The following CTNNA3 variants were observed in gnomAD, a reference collection of about 807,000 sequenced individuals.
The protein encoded by CTNNA3 is catenin alpha-3.
CTNNA3 carries 76 observed loss-of-function variants against 95.7 expected under a neutral mutation model. The observed-to-expected ratio is 0.79, with a 90% CI of 0.66 to 0.96. The LOEUF is 0.96. CTNNA3 is among the 40% of genes least tolerant of loss of function. The pLI is 0.00. For synonymous variants in CTNNA3, 431 were observed against 374.4 expected, an observed-to-expected ratio of 1.15 and a Z score of -1.74; for missense variants, 1,191 against 1,089.8, an observed-to-expected ratio of 1.09 and a Z score of -1.31.
intron 11 of CTNNA3, among the ~76,000 whole-genome samples, chr10:66,480,856 G>C (rs923001966): frequency 6.6e-6 from 1 of 152,030 alleles, no homozygotes; most frequent in Non-Finnish European, 1.5e-5. Context: ...ACTCACCTTA[G>C]CCTCCCAAAG....
At chr10:67,168,180 C>A (rs1391210065) in intron 7 of CTNNA3, among the ~76,000 whole-genome samples, 1 of 152,018 alleles carries the variant, frequency 6.6e-6, no homozygotes, top group South Asian at 2.1e-4. Flanking sequence ...CATGATGTAG[C>A]CAAATTCTAT....
chr10:66,891,205 T>A (rs1025819710), intron 7 of CTNNA3, among the ~76,000 whole-genome samples: 5 of 152,232 alleles, frequency 3.3e-5, no homozygotes, highest in Non-Finnish European at 5.9e-5. Context: ...GAGACCATTA[T>A]GTAGAAACAA....
rs573602177 is a variant in CTNNA3, at chr10:67,226,305, G to T, written c.580-6435C>A. Among the ~76,000 whole-genome samples, 6 of 152,288 alleles carry T rather than the reference G, an allele frequency of 3.9e-5. No individual in the cohort carries two copies. The East Asian group carries it at 1.2e-3, about 29-fold the overall frequency. ...AAAACCTTGGAAAACATATTTAGGG[G>T]AATAATCAAGGAAAACTTCCCCAGC... On this transcript the variant is annotated intron_variant, in intron 5 of 17. Transcript: ENST00000433211.
At chr10:66,572,032 C>T (rs989376217) in intron 10 of CTNNA3, among the ~76,000 whole-genome samples, 6 of 151,350 alleles carry the variant, frequency 4.0e-5, no homozygotes, top group Non-Finnish European at 8.8e-5. Context: ...GATTCCAAAA[C>T]TTACGGACAT....
At chr10:66,752,799 T>C (rs532951570) in intron 9 of CTNNA3, among the ~76,000 whole-genome samples, 50 of 152,152 alleles carry the variant, frequency 3.3e-4, no homozygotes, top group Middle Eastern at 3.4e-3. Context: ...TATAGCTATA[T>C]TCTCAGATGA....
chr10:67,349,763 G>T (rs1842564054), intron 5 of CTNNA3, among the ~76,000 whole-genome samples: 1 of 152,064 alleles, frequency 6.6e-6, no homozygotes, highest in Admixed American at 6.6e-5. Context: ...TGCTGTAATG[G>T]CTATTCCAGG....
At chr10:67,322,169 TAAG>T (rs1033266045) in intron 5 of CTNNA3, among the ~76,000 whole-genome samples, 2 of 152,238 alleles carry the variant, frequency 1.3e-5, no homozygotes, top group African/African-American at 4.8e-5. Context: ...AACAGGCATT[TAAG>T]AAGTCTCATA....
chr10:67,670,384 A>T (rs1840408590), intron 1 of CTNNA3, among the ~76,000 whole-genome samples: 1 of 152,256 alleles, frequency 6.6e-6, no homozygotes, highest in Non-Finnish European at 1.5e-5. Flanking sequence ...GTACAAAAAC[A>T]AAATCAATTT....
intron 7 of CTNNA3, among the ~76,000 whole-genome samples, chr10:66,802,093 T>TCA (rs1341606092): frequency 6.6e-6 from 1 of 151,758 alleles, no homozygotes; most frequent in Non-Finnish European, 1.5e-5. Context: ...AAAAATTAGT[T>TCA]TAAAACTGTC....
At chr10:67,167,064 G>T (rs1307247177) in intron 7 of CTNNA3, among the ~76,000 whole-genome samples, 2 of 151,664 alleles carry the variant, frequency 1.3e-5, no homozygotes, top group East Asian at 3.9e-4. Context: ...CCAAGATCGT[G>T]CCATGGCACT....
In CTNNA3 at chr10:67,691,232, C is replaced by T. The variant is rs370627314; in HGVS notation, c.-6+4768G>A. Among the ~76,000 whole-genome samples the T allele has an allele frequency of 2.0e-4, 31 of 152,278 alleles. No individual in the cohort carries two copies. The East Asian group carries it at 2.1e-3, about 10-fold the overall frequency. Reference sequence around the variant, plus strand: ...AGGCTGGAGTGCAGTGGCATGATCTCGGCTCACTACAACCTCCACCTCCCA... The same window carrying T: ...AGGCTGGAGTGCAGTGGCATGATCTTGGCTCACTACAACCTCCACCTCCCA... On this transcript the variant is annotated intron_variant, in intron 1 of 17. Coordinates refer to ENST00000433211, the MANE Select transcript of CTNNA3 (RefSeq NM_013266.4).
chr10:66,497,392 G>C (rs557742824), intron 11 of CTNNA3, among the ~76,000 whole-genome samples: 67 of 151,828 alleles, frequency 4.4e-4, no homozygotes, highest in African/African-American at 1.6e-3. Flanking sequence ...CATAGAAAAT[G>C]ACTGGATAAT....
At chr10:66,485,773 ATGAATAGCC>A (rs751568917) in intron 11 of CTNNA3, among the ~76,000 whole-genome samples, 10 of 152,282 alleles carry the variant, frequency 6.6e-5, no homozygotes, top group Non-Finnish European at 1.2e-4. Flanking sequence ...ACAAAAGACC[ATGAATAGCC>A]AAAGGAATCC....
intron 16 of CTNNA3, among the ~76,000 whole-genome samples, chr10:65,981,912 A>T (rs1438553011): frequency 6.6e-6 from 1 of 152,004 alleles, no homozygotes; most frequent in Non-Finnish European, 1.5e-5. Context: ...TAATATCTGA[A>T]AAACCCTTCT....
intron 5 of CTNNA3, among the ~76,000 whole-genome samples, chr10:67,476,132 G>A (rs1265069738): frequency 1.3e-5 from 2 of 152,158 alleles, no homozygotes; most frequent in Non-Finnish European, 2.9e-5. Flanking sequence ...GGCTCAGGTG[G>A]CAACTTGGCC....
intron 14 of CTNNA3, among the ~76,000 whole-genome samples, chr10:66,087,826 A>G (rs950996779): frequency 2.0e-5 from 3 of 152,144 alleles, no homozygotes; most frequent in African/African-American, 7.2e-5. Context: ...TCAGGGCATT[A>G]GACTTAGTCT....
chr10:66,839,022 A>G lies in CTNNA3; in HGVS notation c.1048-63498T>C, dbSNP rs181335389. The stretch of plus-strand genomic sequence containing the variant: ...CTATGTTATCGATGTATGCCAATAC[A>G]TTCATACTTATAAAAAAAAAAACAG... On this transcript the variant is annotated intron_variant, in intron 7 of 17. Transcript: ENST00000433211. 4.3e-3 allele frequency among the ~76,000 whole-genome samples: 321 copies of G among 74,368 alleles called. 1 individual carries two copies. Among genetic ancestry groups the G allele is most frequent in the Non-Finnish European group, 4.8e-3 (188 of 39,168 alleles). The allele number at this position is 74,368 out of a possible 152,430, so 48.8% of individuals were successfully genotyped here.
At chr10:66,896,902 C>A (rs547812275) in intron 7 of CTNNA3, among the ~76,000 whole-genome samples, 1 of 152,320 alleles carries the variant, frequency 6.6e-6, no homozygotes, top group African/African-American at 2.4e-5. Context: ...TGCAGTAGCA[C>A]CCCATGCTCA....
At chr10:66,799,920 A>G (rs1396536380) in intron 7 of CTNNA3, among the ~76,000 whole-genome samples, 1 of 151,428 alleles carries the variant, frequency 6.6e-6, no homozygotes, top group Non-Finnish European at 1.5e-5. Flanking sequence ...GAACACCTTT[A>G]AAGTACTTAA....
Sources: gnomAD v4.1 joint callset for allele counts (sites outside exome capture counted in the v4.1 genomes callset) on GRCh38, gnomAD v4.1.1 for gene constraint, MANE v1.5 for transcripts, NCBI Gene and HGNC (gene_info 2026-07-23, HGNC 2026-07-21) for gene names.